COL25A1: variants seen among roughly 807,000 people sequenced by gnomAD.
COL25A1 encodes collagen alpha-1(XXV) chain.
In COL25A1, 103 loss-of-function variants were observed where a neutral mutation model predicts 128.4. That is an observed-to-expected ratio of 0.80 (90% CI 0.68 to 0.94). The LOEUF (loss-of-function observed/expected upper bound fraction) is 0.94, where lower values mean the gene tolerates loss of function less well. COL25A1 is among the 40% of genes least tolerant of loss of function. The probability of loss-of-function intolerance (pLI) is 0.00; values close to 1 mark genes in which losing one functional copy is unlikely to be tolerated. For synonymous variants in COL25A1, 279 were observed against 277.2 expected (o/e 1.01, Z -0.06); for missense variants, 745 against 840.0 (o/e 0.89, Z 1.40).
chr4:108,916,344 T>G (rs1744866862), intron 13 of COL25A1, among the ~76,000 whole-genome samples: 1 of 152,232 alleles, frequency 6.6e-6, no homozygotes, highest in African/African-American at 2.4e-5. Context: ...AAATATAATT[T>G]AAACTTGGTG....
rs78934349 is a variant in COL25A1, at chr4:109,265,814, A to G, written c.367+34769T>C. 7.7e-3 allele frequency among the ~76,000 whole-genome samples: 1,170 copies of G among 152,278 alleles called. 62 individuals carry two copies. In the South Asian group the frequency reaches 0.14, roughly 18 times the overall value. ...ACATTAAGAGGATAAGCACTCAGAA[A>G]AGCAACCTAACAAAATGGAAAGAAT... On this transcript the variant is annotated intron_variant, in intron 3 of 37. Transcript: ENST00000399132.
chr4:108,825,931 T>C (rs1732323057), intron 33 of COL25A1, among the ~76,000 whole-genome samples: 1 of 152,166 alleles, frequency 6.6e-6, no homozygotes, highest in Non-Finnish European at 1.5e-5. Context: ...CAGATTATCA[T>C]GGTGATGACC....
chr4:109,192,681 G>T (rs1033360918), intron 3 of COL25A1, among the ~76,000 whole-genome samples: 2 of 151,948 alleles, frequency 1.3e-5, no homozygotes. Flanking sequence ...GTGAAACCCT[G>T]TCTCTATTAA....
chr4:109,052,923 A>G (rs1382905345), intron 3 of COL25A1, among the ~76,000 whole-genome samples: 1 of 152,194 alleles, frequency 6.6e-6, no homozygotes, highest in Non-Finnish European at 1.5e-5. Context: ...CTGTATGAAC[A>G]CATACAGAAG....
At chr4:109,177,354 ACCAC>A (rs777883589) in intron 3 of COL25A1, among the ~76,000 whole-genome samples, 8 of 152,116 alleles carry the variant, frequency 5.3e-5, no homozygotes, top group Non-Finnish European at 8.8e-5. Context: ...AGCATAAAGA[ACCAC>A]CCACTCATCA....
chr4:109,059,636 G>T (rs537040661), intron 3 of COL25A1, among the ~76,000 whole-genome samples: 1 of 152,118 alleles, frequency 6.6e-6, no homozygotes, highest in Non-Finnish European at 1.5e-5. Context: ...CATACACTGA[G>T]AACACTCATG....
chr4:109,067,368 A>C (rs1762532765), intron 3 of COL25A1, among the ~76,000 whole-genome samples: 1 of 152,206 alleles, frequency 6.6e-6, no homozygotes, highest in South Asian at 2.1e-4. Context: ...TCCATTGAGC[A>C]CCGGGGTCCC....
intron 3 of COL25A1, among the ~76,000 whole-genome samples, chr4:109,080,093 C>G (rs984439987): frequency 1.3e-5 from 2 of 152,086 alleles, no homozygotes; most frequent in African/African-American, 4.8e-5. Flanking sequence ...CCACACACCA[C>G]CATTAACAAC....
chr4:108,920,507 T>C lies in COL25A1; in HGVS notation c.735+71A>G, dbSNP rs148087217. 7.8e-3 allele frequency: 9,374 copies of C among 1,200,740 alleles called. 63 individuals carry two copies. The highest frequency in any genetic ancestry group is 8.7e-3 in the Non-Finnish European group (7,352 of 845,322). 74.4% of individuals were successfully genotyped at this position (1,200,740 alleles called of 1,614,324 possible). On this transcript the variant is annotated intron_variant, in intron 12 of 37. Transcript: ENST00000399132. ...GCATGGCTTACAGTAGCTAATTTCA[T>C]TCACCTCTCCTGCTTGCCATTAGGT...
chr4:109,292,527 G>A (rs1481984811), intron 3 of COL25A1, among the ~76,000 whole-genome samples: 3 of 152,056 alleles, frequency 2.0e-5, no homozygotes, highest in Admixed American at 1.3e-4. Context: ...ATGAGCCCTA[G>A]AGATACATAG....
chr4:109,148,969 C>T (rs1771210356), intron 3 of COL25A1, among the ~76,000 whole-genome samples: 1 of 152,224 alleles, frequency 6.6e-6, no homozygotes, highest in African/African-American at 2.4e-5. Context: ...TTCCCTTCTT[C>T]CCTTTGAAGT....
intron 31 of COL25A1, 54 bp from the exon 32 acceptor site, chr4:108,832,487 T>TA: frequency 8.2e-7 from 1 of 1,224,618 alleles, no homozygotes. Flanking sequence ...ATAGCAGTTA[T>TA]AATTTATCCT....
At position 108,819,265 on chromosome 4, in the gene COL25A1, G is replaced by A; in HGVS notation, c.1910C>T (p.Ala637Val). The A allele has an allele frequency of 6.2e-7, 1 of 1,609,822 alleles. No homozygotes were observed. Among genetic ancestry groups the A allele is most frequent in the Non-Finnish European group, 8.5e-7 (1 of 1,178,574 alleles). Reference sequence around the variant, plus strand: ...GAAATACTGTACCAATTGGCAAGGGGCATCCAGCCCATCCAGGCCAGGCTG... The same window carrying A: ...GAAATACTGTACCAATTGGCAAGGGACATCCAGCCCATCCAGGCCAGGCTG... ...PGQPGLDGLD[A>V]PCQLGPDGLP... The change falls in exon 36 of 38, where the codon GCC (alanine) becomes GTC (valine). Residue 637 changes from alanine to valine, a missense_variant. Transcript: ENST00000399132.
intron 3 of COL25A1, among the ~76,000 whole-genome samples, chr4:109,132,544 G>C (rs1473565473): frequency 1.3e-5 from 2 of 151,928 alleles, no homozygotes; most frequent in Non-Finnish European, 2.9e-5. Flanking sequence ...ATTTTAAATG[G>C]ATTCTATTCT....
chr4:109,040,130 A>C (rs927770592), intron 5 of COL25A1, among the ~76,000 whole-genome samples: 1 of 152,226 alleles, frequency 6.6e-6, no homozygotes, highest in Non-Finnish European at 1.5e-5. Context: ...GGAACACTTT[A>C]GATTCCACAT....
chr4:109,224,973 T>C (rs1257673064), intron 3 of COL25A1, among the ~76,000 whole-genome samples: 4 of 152,056 alleles, frequency 2.6e-5, no homozygotes, highest in South Asian at 2.1e-4. Flanking sequence ...TATACAAGCA[T>C]ACATACAAAT....
intron 3 of COL25A1, among the ~76,000 whole-genome samples, chr4:109,245,309 G>A (rs573677800): frequency 2.6e-5 from 4 of 152,160 alleles, no homozygotes; most frequent in Admixed American, 6.6e-5. Context: ...GGTCCTCTGG[G>A]TTGGGACTGG....
chr4:109,235,525 C>T (rs1392376066), intron 3 of COL25A1, among the ~76,000 whole-genome samples: 1 of 141,842 alleles, frequency 7.1e-6, no homozygotes, highest in Non-Finnish European at 1.5e-5. Flanking sequence ...ATGCCCCCAA[C>T]AAACATACAC....
chr4:109,118,580 A>G (rs548237927), intron 3 of COL25A1, among the ~76,000 whole-genome samples: 1 of 152,120 alleles, frequency 6.6e-6, no homozygotes, highest in East Asian at 1.9e-4. Flanking sequence ...TGGAGTAACT[A>G]TATTAATCTT....
Sources: allele counts gnomAD v4.1 joint callset (sites outside exome capture counted in the v4.1 genomes callset), GRCh38; gene constraint gnomAD v4.1.1; transcripts MANE v1.5; gene names NCBI Gene and HGNC (gene_info 2026-07-23, HGNC 2026-07-21).